Variants in GPC5 observed in about 807,000 individuals in gnomAD.
GPC5 encodes glypican-5.
A neutral mutation model predicts 53.9 loss-of-function variants in GPC5; 47 were observed. The ratio of observed to expected loss-of-function variants is 0.87; its 90% CI spans 0.69 to 1.11. GPC5 has a LOEUF of 1.11. Ranked by LOEUF, GPC5 falls within the 50% of genes most tolerant of loss-of-function variation. The pLI is 0.00. For missense variants in GPC5, 748 were observed against 713.1 expected (o/e 1.05, Z -0.56); for synonymous variants, 286 against 263.3 (o/e 1.09, Z -0.84).
At chr13:92,027,498 G>A (rs575031129) in intron 6 of GPC5, among the ~76,000 whole-genome samples, 2 of 152,232 alleles carry the variant, frequency 1.3e-5, no homozygotes, top group Non-Finnish European at 2.9e-5. Context: ...CTTAAGTGAG[G>A]ACATTCTGTT....
chr13:92,012,774 A>T (rs566995861), intron 6 of GPC5, among the ~76,000 whole-genome samples: 1 of 152,346 alleles, frequency 6.6e-6, no homozygotes, highest in African/African-American at 2.4e-5. Flanking sequence ...AAATAACTTT[A>T]AAATAAGAAT....
intron 7 of GPC5, among the ~76,000 whole-genome samples, chr13:92,491,686 A>T (rs1332568749): frequency 6.6e-6 from 1 of 152,088 alleles, no homozygotes; most frequent in Non-Finnish European, 1.5e-5. Flanking sequence ...AAGCAACAAG[A>T]AATATATTGT....
intron 5 of GPC5, among the ~76,000 whole-genome samples, chr13:91,889,926 A>G (rs1039087162): frequency 6.6e-6 from 1 of 152,224 alleles, no homozygotes; most frequent in Non-Finnish European, 1.5e-5. Flanking sequence ...CAAGGTGTCA[A>G]CCTAAATAAC....
At chr13:91,459,901 T>C (rs904791185) in intron 2 of GPC5, among the ~76,000 whole-genome samples, 1 of 152,134 alleles carries the variant, frequency 6.6e-6, no homozygotes, top group African/African-American at 2.4e-5. Context: ...ATATTTAGCA[T>C]AATTTAAGAG....
intron 6 of GPC5, among the ~76,000 whole-genome samples, chr13:92,016,750 CAG>C (rs1227956212): frequency 6.8e-6 from 1 of 147,396 alleles, no homozygotes; most frequent in Non-Finnish European, 1.5e-5. Flanking sequence ...TCTTTTGAGC[CAG>C]AGTTTTGCTC....
intron 2 of GPC5, among the ~76,000 whole-genome samples, chr13:91,453,251 T>TA (rs1247304976): frequency 1.3e-5 from 2 of 151,956 alleles, no homozygotes; most frequent in African/African-American, 4.8e-5. Context: ...TAAATATATT[T>TA]AAAAAGCAGG....
intron 6 of GPC5, among the ~76,000 whole-genome samples, chr13:91,911,948 A>G (rs1484327170): frequency 6.6e-6 from 1 of 152,192 alleles, no homozygotes; most frequent in Non-Finnish European, 1.5e-5. Context: ...TGAGATGCTT[A>G]TTAGATACCC....
Position 91,897,368 on chromosome 13 carries a change from T to TGTGTGTGTGTGTGC in GPC5, c.1281-10568_1281-10567insTGTGTGTGTGTGCG, listed in dbSNP as rs1555295196. ...GTGTGTGTGTGTGTGTGTGTGTGTG[T>TGTGTGTGTGTGTGC]GCGCCTGTGCATGTGTATGCATTTC... On this transcript the variant is annotated intron_variant, in intron 5 of 7. Transcript: ENST00000377067. 6.0e-5 allele frequency among the ~76,000 whole-genome samples: 9 copies of TGTGTGTGTGTGTGC among 149,544 alleles called. No individual in the cohort carries two copies. In the South Asian group the frequency reaches 1.1e-3, roughly 18 times the overall value.
intron 7 of GPC5, among the ~76,000 whole-genome samples, chr13:92,236,948 T>C (rs954959639): frequency 1.3e-5 from 2 of 152,126 alleles, no homozygotes; most frequent in Admixed American, 6.6e-5. Flanking sequence ...ATGCATAATG[T>C]TATATAATTA....
chr13:92,625,872 G>A (rs1379112218), intron 7 of GPC5, among the ~76,000 whole-genome samples: 1 of 152,188 alleles, frequency 6.6e-6, no homozygotes, highest in South Asian at 2.1e-4. Flanking sequence ...AAGTATGCCA[G>A]AGTGAGGTGG....
chr13:92,741,893 C>T (rs887496463), intron 7 of GPC5, among the ~76,000 whole-genome samples: 12 of 151,990 alleles, frequency 7.9e-5, no homozygotes, highest in Non-Finnish European at 1.8e-4. Context: ...GCTTCATCCA[C>T]GTCCCTACAA....
At chr13:91,876,077 T>C (rs2039198647) in intron 5 of GPC5, among the ~76,000 whole-genome samples, 3 of 152,188 alleles carry the variant, frequency 2.0e-5, no homozygotes, top group Admixed American at 6.5e-5. Flanking sequence ...TCTTTTCTCA[T>C]TTTTCTCTTT....
intron 1 of GPC5, among the ~76,000 whole-genome samples, chr13:91,446,414 T>C (rs1409341579): frequency 6.6e-6 from 1 of 152,200 alleles, no homozygotes; most frequent in Non-Finnish European, 1.5e-5. Context: ...CTGTTTCTTT[T>C]GGAGTTTGAT....
intron 2 of GPC5, among the ~76,000 whole-genome samples, chr13:91,564,095 A>G (rs1444959686): frequency 6.6e-6 from 1 of 152,062 alleles, no homozygotes. Context: ...GGATTCAAAA[A>G]CCATTTCAGT....
At chr13:91,799,078 A>G (rs1051832717) in intron 5 of GPC5, among the ~76,000 whole-genome samples, 1 of 152,220 alleles carries the variant, frequency 6.6e-6, no homozygotes, top group Non-Finnish European at 1.5e-5. Context: ...ACATGGAAAC[A>G]ACCTAGGTGT....
At chr13:91,811,177 A>G (rs2038306070) in intron 5 of GPC5, among the ~76,000 whole-genome samples, 1 of 152,030 alleles carries the variant, frequency 6.6e-6, no homozygotes, top group Non-Finnish European at 1.5e-5. Flanking sequence ...TGAATCTTTG[A>G]GTGCCTTGAC....
chr13:91,767,450 G>C (rs575513439), intron 5 of GPC5, among the ~76,000 whole-genome samples: 3 of 152,196 alleles, frequency 2.0e-5, no homozygotes, highest in African/African-American at 7.2e-5. Context: ...GTTAGTCTTA[G>C]AGCTGATCTT....
chr13:92,709,073 G>A (rs960989772), intron 7 of GPC5, among the ~76,000 whole-genome samples: 1 of 150,162 alleles, frequency 6.7e-6, no homozygotes, highest in African/African-American at 2.5e-5. Flanking sequence ...TTGAGACAGT[G>A]TTTCGCTCTT....
intron 7 of GPC5, among the ~76,000 whole-genome samples, chr13:92,609,744 A>T (rs1266276973): frequency 6.6e-6 from 1 of 152,142 alleles, no homozygotes; most frequent in African/African-American, 2.4e-5. Flanking sequence ...ATTAAAATTG[A>T]AGTTCAGGCC....
Sources: allele counts gnomAD v4.1 joint callset (sites outside exome capture counted in the v4.1 genomes callset), GRCh38; gene constraint gnomAD v4.1.1; transcripts MANE v1.5; gene names NCBI Gene and HGNC (gene_info 2026-07-23, HGNC 2026-07-21).